Variants in COP1 observed in about 807,000 individuals in gnomAD.
COP1 encodes the protein COP1 E3 ubiquitin ligase.
COP1 carries 24 observed loss-of-function variants against 101.3 expected under a neutral mutation model. That is an observed-to-expected ratio of 0.24 (90% CI 0.17 to 0.33). The LOEUF is 0.33. COP1 is among the 10% of genes least tolerant of loss of function. The pLI is 1.00. For missense variants in COP1, 663 were observed against 906.2 expected (o/e 0.73, Z 3.45); for synonymous variants, 347 against 341.9 (o/e 1.01, Z -0.17).
chr1:176,084,940 T>TGTA (rs1220352563), intron 10 of COP1, among the ~76,000 whole-genome samples: 20 of 152,080 alleles, frequency 1.3e-4, no homozygotes, highest in African/African-American at 4.8e-4. Context: ...TACCAAGCAT[T>TGTA]GTATCTTATA....
rs574500432 is a variant in COP1, at chr1:176,033,942, CCAAA to C, written c.1613-6258_1613-6255del. 2.9e-4 allele frequency among the ~76,000 whole-genome samples: 44 copies of C among 152,120 alleles called. 1 individual carries two copies. The South Asian group carries it at 5.8e-3, about 20-fold the overall frequency. On this transcript the variant is annotated intron_variant, in intron 14 of 19. Transcript: ENST00000367669. ...ACAAAGGCAATATTTTATATGATCG[CCAAA>C]CAGACAAGAGTAATAAATACATTTA...
intron 9 of COP1, among the ~76,000 whole-genome samples, chr1:176,108,310 G>C (rs1193378912): frequency 1.3e-5 from 2 of 152,056 alleles, no homozygotes; most frequent in African/African-American, 2.4e-5. Context: ...GAGCAGTAAA[G>C]TAATCCATCC....
At chr1:176,016,891 TAA>T (rs1665761191) in intron 15 of COP1, among the ~76,000 whole-genome samples, 1 of 152,146 alleles carries the variant, frequency 6.6e-6, no homozygotes, top group Admixed American at 6.5e-5. Context: ...ACACATTAGG[TAA>T]ATGTTTAAGG....
intron 9 of COP1, among the ~76,000 whole-genome samples, chr1:176,113,528 T>C (rs752670599): frequency 1.3e-5 from 2 of 152,168 alleles, no homozygotes; most frequent in Non-Finnish European, 2.9e-5. Context: ...TTCTAGCTCA[T>C]AGGATTTGCT....
intron 8 of COP1, among the ~76,000 whole-genome samples, chr1:176,128,030 T>G (rs1688309755): frequency 6.6e-6 from 1 of 152,030 alleles, no homozygotes; most frequent in African/African-American, 2.4e-5. Flanking sequence ...CTATGTCTTC[T>G]TTTGAGAAAT....
chr1:176,106,123 T>C (rs1400853461), intron 9 of COP1, among the ~76,000 whole-genome samples: 2 of 152,140 alleles, frequency 1.3e-5, no homozygotes, highest in African/African-American at 4.8e-5. Context: ...TCCTTCCTCA[T>C]GGGTTCAAGT....
intron 11 of COP1, among the ~76,000 whole-genome samples, chr1:176,055,035 T>C (rs377610826): frequency 3.9e-5 from 6 of 152,300 alleles, no homozygotes; most frequent in Non-Finnish European, 7.3e-5. Flanking sequence ...ATAGCTGACA[T>C]TGATGATCAC....
At chr1:176,165,888 A>G (rs1475334794) in intron 3 of COP1, among the ~76,000 whole-genome samples, 1 of 152,176 alleles carries the variant, frequency 6.6e-6, no homozygotes, top group Non-Finnish European at 1.5e-5. Flanking sequence ...AGAGAGCATG[A>G]AATAATTCAG....
chr1:176,054,692 A>C (rs889456885), intron 11 of COP1, among the ~76,000 whole-genome samples: 3 of 151,828 alleles, frequency 2.0e-5, no homozygotes, highest in African/African-American at 7.3e-5. Context: ...TTGTTTCCTA[A>C]ATTTCCCTCC....
At chr1:175,946,627 CAATT>C (rs1028757851) in intron 19 of COP1, among the ~76,000 whole-genome samples, 1 of 152,172 alleles carries the variant, frequency 6.6e-6, no homozygotes, top group Non-Finnish European at 1.5e-5. Flanking sequence ...ATGCATCAAT[CAATT>C]TTCTTTCCTT....
At chr1:176,024,945 A>T (rs926328953) in intron 15 of COP1, among the ~76,000 whole-genome samples, 10 of 152,214 alleles carry the variant, frequency 6.6e-5, no homozygotes, top group Middle Eastern at 3.2e-3. Context: ...TAGTTAAAAA[A>T]GATAAAATGA....
intron 12 of COP1, among the ~76,000 whole-genome samples, chr1:176,045,745 C>A (rs1671410025): frequency 6.6e-6 from 1 of 151,842 alleles, no homozygotes; most frequent in African/African-American, 2.4e-5. Flanking sequence ...AAACACCATT[C>A]CTTCAGTGAA....
At chr1:176,024,432 T>C (rs1667329152) in intron 15 of COP1, among the ~76,000 whole-genome samples, 1 of 152,056 alleles carries the variant, frequency 6.6e-6, no homozygotes. Context: ...TGACAAAATC[T>C]AACACCTATT....
intron 15 of COP1, among the ~76,000 whole-genome samples, chr1:176,025,186 G>C (rs1667452414): frequency 6.6e-6 from 1 of 152,020 alleles, no homozygotes; most frequent in African/African-American, 2.4e-5. Flanking sequence ...TTTTTCAAAA[G>C]TAGATATTCT....
chr1:176,089,178 A>G (rs564705493), intron 9 of COP1, among the ~76,000 whole-genome samples: 1 of 151,786 alleles, frequency 6.6e-6, no homozygotes, highest in Non-Finnish European at 1.5e-5. Flanking sequence ...GCAGGACCCC[A>G]GCTACTTGGG....
At chr1:176,154,595 G>C (rs111615547) in intron 5 of COP1, among the ~76,000 whole-genome samples, 2,581 of 152,166 alleles carry the variant, frequency 0.017, 71 homozygotes, top group African/African-American at 0.058. Context: ...AGGACACATG[G>C]ACACATAGAG....
intron 14 of COP1, among the ~76,000 whole-genome samples, chr1:176,036,043 CAG>C (rs1424740417): frequency 6.6e-6 from 1 of 151,700 alleles, no homozygotes; most frequent in Non-Finnish European, 1.5e-5. Flanking sequence ...AGAAATCAAA[CAG>C]AATTTTAAAC....
intron 11 of COP1, among the ~76,000 whole-genome samples, chr1:176,068,512 C>G (rs1332492473): frequency 1.3e-5 from 2 of 152,156 alleles, no homozygotes; most frequent in Non-Finnish European, 2.9e-5. Flanking sequence ...CTAACATTTA[C>G]GTAGTATTTA....
chr1:175,983,438 T>A (rs1383518161), intron 18 of COP1, among the ~76,000 whole-genome samples: 1 of 152,220 alleles, frequency 6.6e-6, no homozygotes, highest in African/African-American at 2.4e-5. Flanking sequence ...CCTTCCGCCA[T>A]GATTGTGAAG....
Sources: gnomAD v4.1 joint callset for allele counts (sites outside exome capture counted in the v4.1 genomes callset) on GRCh38, gnomAD v4.1.1 for gene constraint, MANE v1.5 for transcripts, NCBI Gene and HGNC (gene_info 2026-07-23, HGNC 2026-07-21) for gene names.